CPAP: variants seen among roughly 807,000 people sequenced by gnomAD.
The protein encoded by CPAP is centrosome assembly and centriole elongation protein.
At chr13:24,885,460 A>G in the CPAP span, 1 of 1,210,716 alleles carries the variant, frequency 8.3e-7, no homozygotes, top group South Asian at 1.2e-5. Flanking sequence ...ATAGGGTTCT[A>G]GGACTAGTGT....
chr13:24,907,038 G>T, the CPAP span: 18 of 1,594,750 alleles, frequency 1.1e-5, no homozygotes, highest in Non-Finnish European at 1.5e-5. Context: ...GCAAATTATA[G>T]ATAAATCTCT....
At chr13:24,895,029 G>A in the CPAP span, among the ~76,000 whole-genome samples, 1 of 152,228 alleles carries the variant, frequency 6.6e-6, no homozygotes, top group East Asian at 1.9e-4. Context: ...AAGCTCAGAG[G>A]CAAGGCCTCC....
the CPAP span, among the ~76,000 whole-genome samples, chr13:24,926,199 G>C: frequency 2.0e-5 from 3 of 152,246 alleles, no homozygotes; most frequent in African/African-American, 7.2e-5. Flanking sequence ...CGGGAAGTAA[G>C]TAATTGGTGC....
the CPAP span, among the ~76,000 whole-genome samples, chr13:24,897,618 TAAAAC>T: frequency 1.3e-5 from 2 of 152,228 alleles, no homozygotes; most frequent in Admixed American, 6.5e-5. Flanking sequence ...TATACAATAA[TAAAAC>T]AAAGAACAAA....
At chr13:24,912,887 C>A in the CPAP span, 1 of 1,614,194 alleles carries the variant, frequency 6.2e-7, no homozygotes. Flanking sequence ...ATGTCCACAG[C>A]TGCTCGCTTC....
the CPAP span, among the ~76,000 whole-genome samples, chr13:24,926,161 C>T: frequency 6.6e-6 from 1 of 152,156 alleles, no homozygotes. Context: ...CACGATGGAA[C>T]CCCCAAAAAT....
At chr13:24,925,196 C>CT in the CPAP span, among the ~76,000 whole-genome samples, 2 of 152,134 alleles carry the variant, frequency 1.3e-5, no homozygotes, top group Non-Finnish European at 2.9e-5. Context: ...AGGCTGGTCT[C>CT]TAACTCGTAG....
the CPAP span, among the ~76,000 whole-genome samples, chr13:24,888,727 C>G: frequency 6.6e-6 from 1 of 152,272 alleles, no homozygotes; most frequent in Admixed American, 6.5e-5. Flanking sequence ...AACCTAATTG[C>G]CCATCACCAG....
the CPAP span, among the ~76,000 whole-genome samples, chr13:24,915,126 ACT>A: frequency 6.6e-6 from 1 of 151,956 alleles, no homozygotes; most frequent in African/African-American, 2.4e-5. Flanking sequence ...AGCAATTCTG[ACT>A]CTCATATGAC....
the CPAP span, among the ~76,000 whole-genome samples, chr13:24,887,217 G>C: frequency 6.6e-6 from 1 of 152,166 alleles, no homozygotes; most frequent in Non-Finnish European, 1.5e-5. Flanking sequence ...AGAGCAAAAA[G>C]ACAAGCCATG....
At chr13:24,912,164 T>A in the CPAP span, 2 of 1,232,782 alleles carry the variant, frequency 1.6e-6, no homozygotes, top group South Asian at 1.2e-5. Context: ...TCCTCCTATC[T>A]TTCCTGGTAA....
the CPAP span, among the ~76,000 whole-genome samples, chr13:24,895,352 G>C: frequency 1.3e-5 from 2 of 152,152 alleles, no homozygotes; most frequent in Non-Finnish European, 2.9e-5. Flanking sequence ...GAGACGGGCG[G>C]ATCACAAGGT....
the CPAP span, among the ~76,000 whole-genome samples, chr13:24,912,242 G>A: frequency 1.3e-5 from 2 of 151,928 alleles, no homozygotes; most frequent in Non-Finnish European, 2.9e-5. Flanking sequence ...ATATCCTTAC[G>A]AAGGAAATCT....
At chr13:24,921,997 T>C in the CPAP span, among the ~76,000 whole-genome samples, 3 of 152,188 alleles carry the variant, frequency 2.0e-5, no homozygotes, top group Non-Finnish European at 4.4e-5. Flanking sequence ...GAGATAGGAT[T>C]AGTATGTGGA....
At chr13:24,930,358 G>T in the CPAP span, among the ~76,000 whole-genome samples, 2 of 151,976 alleles carry the variant, frequency 1.3e-5, no homozygotes, top group South Asian at 2.1e-4. Context: ...GTGCAGGTTT[G>T]TTACCTAGGT....
the CPAP span, among the ~76,000 whole-genome samples, chr13:24,899,781 G>C: frequency 3.3e-5 from 5 of 152,156 alleles, no homozygotes; most frequent in South Asian, 1.0e-3. Flanking sequence ...TCAGGCATTC[G>C]ACGAAGTAGT....
chr13:24,922,505 CAG>C, the CPAP span, among the ~76,000 whole-genome samples: 5 of 152,258 alleles, frequency 3.3e-5, no homozygotes, highest in Non-Finnish European at 5.9e-5. Context: ...ACAGCCAGGT[CAG>C]AGAGACAGAC....
chr13:24,927,641 G>C, the CPAP span, among the ~76,000 whole-genome samples: 2,568 of 152,254 alleles, frequency 0.017, 73 homozygotes, highest in African/African-American at 0.059. Flanking sequence ...TGAAGGCCCA[G>C]CTCCCTGATT....
At chr13:24,898,413 A>G in the CPAP span, among the ~76,000 whole-genome samples, 146 of 152,320 alleles carry the variant, frequency 9.6e-4, no homozygotes, top group African/African-American at 3.3e-3. Context: ...GAAACTTTCT[A>G]TAATAAAAAA....
Sources: gnomAD v4.1 joint callset for allele counts (sites outside exome capture counted in the v4.1 genomes callset) on GRCh38, gnomAD v4.1.1 for gene constraint, MANE v1.5 for transcripts, NCBI Gene and HGNC (gene_info 2026-07-23, HGNC 2026-07-21) for gene names.